Variants in RPA1 observed in about 807,000 individuals in gnomAD.
RPA1 encodes the protein replication protein A 70 kDa DNA-binding subunit.
RPA1 carries 49 observed loss-of-function variants against 83.0 expected under a neutral mutation model. The ratio of observed to expected loss-of-function variants is 0.59; its 90% CI spans 0.47 to 0.75. The LOEUF (loss-of-function observed/expected upper bound fraction) is 0.75. Ranked by LOEUF, RPA1 falls within the 30% of genes least tolerant of loss-of-function variation. RPA1 has a pLI of 0.00. For missense variants in RPA1, 693 were observed against 776.1 expected, an observed-to-expected ratio of 0.89 and a Z score of 1.27; for synonymous variants, 279 against 281.8, an observed-to-expected ratio of 0.99 and a Z score of 0.10.
chr17:1,879,227 T>C lies in RPA1; in HGVS notation c.772T>C (p.Ser258Pro). The C allele has an allele frequency of 6.2e-7, 1 of 1,613,908 alleles. No homozygotes were observed. The highest frequency in any genetic ancestry group is 8.5e-7 in the Non-Finnish European group (1 of 1,179,890). Reference protein sequence around the residue: ...LIEVNKVYYFSKGTLKIANKQ... With the variant: ...LIEVNKVYYFPKGTLKIANKQ... ...GCCTCCTTCGCAGGTGTATTATTTC[T>C]CGAAAGGCACCCTGAAGATTGCTAA... The change falls in exon 10 of 17, where the codon TCG becomes CCG. Residue 258 changes from serine (S) to proline (P), a missense_variant. Transcript: ENST00000254719.
Position 1,874,421 on chromosome 17 carries a change from G to T in RPA1, c.455-1240G>T, listed in dbSNP as rs191288945. Among the ~76,000 whole-genome samples the T allele has an allele frequency of 8.3e-3, 1,265 of 152,316 alleles. 12 individuals are homozygous for T. Among genetic ancestry groups the T allele is most frequent in the Non-Finnish European group, 0.014 (976 of 68,016 alleles). On this transcript the variant is annotated intron_variant, in intron 6 of 16. Transcript: ENST00000254719. ...CTCAAGAAGCTGAAGTGGGAGGATC[G>T]TTTGAGCTCAGGAGTTTGAGGCTGC...
intron 6 of RPA1, among the ~76,000 whole-genome samples, chr17:1,873,142 G>A (rs1913440741): frequency 6.6e-6 from 1 of 152,112 alleles, no homozygotes; most frequent in African/African-American, 2.4e-5. Context: ...TAACTATCCA[G>A]GACCCACTTA....
intron 5 of RPA1, among the ~76,000 whole-genome samples, chr17:1,870,934 T>C (rs1913355120): frequency 1.3e-5 from 2 of 152,212 alleles, no homozygotes; most frequent in African/African-American, 4.8e-5. Flanking sequence ...TTCTCTTGAA[T>C]AATATAATTC....
chr17:1,865,204 A>G (rs1913132753), intron 5 of RPA1, among the ~76,000 whole-genome samples: 1 of 152,232 alleles, frequency 6.6e-6, no homozygotes, highest in South Asian at 2.1e-4. Context: ...TAACTTCCCC[A>G]AGGTCACACA....
rs142893295 is a variant in RPA1, at chr17:1,886,879, C to T, written c.1375-1796C>T. Among the ~76,000 whole-genome samples the T allele has an allele frequency of 3.3e-5, 5 of 152,060 alleles. No homozygotes were observed. In the East Asian group the frequency reaches 9.7e-4, roughly 29 times the overall value. ...TCTCACTATGTTGCCTGGCTGGTAT[C>T]GAACTCCTTGGCTTAGGCAATCATG... On this transcript the variant is annotated intron_variant, in intron 13 of 16. Coordinates refer to ENST00000254719, the MANE Select transcript of RPA1 (RefSeq NM_002945.5).
At chr17:1,850,042 C>T (rs1276654797) in intron 4 of RPA1, among the ~76,000 whole-genome samples, 1 of 151,526 alleles carries the variant, frequency 6.6e-6, no homozygotes, top group Non-Finnish European at 1.5e-5. Flanking sequence ...CGTGGTGGCA[C>T]ATGCCTATAG....
rs182224359 is a variant in RPA1, at chr17:1,872,468, A to G, written c.396A>G (p.Pro132=). The change falls in exon 6 of 17, where the codon CCA becomes CCG. Residue 132 remains proline (P), a synonymous_variant. Coordinates refer to ENST00000254719, the MANE Select transcript of RPA1 (RefSeq NM_002945.5). ...AGCCGCAAGTAGCTCCTCCAGCGCCAGCAGCCAGCCCAGCAGCAAGCAGCA... is the reference window on the plus strand; with the variant it reads ...AGCCGCAAGTAGCTCCTCCAGCGCCGGCAGCCAGCCCAGCAGCAAGCAGCA... ...LGQPQVAPPA[P]AASPAASSRP... is the part of the protein sequence containing the mutation. 177 of 1,613,946 alleles carry G rather than the reference A, an allele frequency of 1.1e-4. No homozygotes were observed. The highest frequency in any genetic ancestry group is 1.4e-4 in the Non-Finnish European group (171 of 1,179,956).
rs539124502 is a variant in RPA1 at position 1,896,989 on chromosome 17, A to G, written c.1747-82A>G. 108 of 1,188,224 alleles carry G rather than the reference A, an allele frequency of 9.1e-5. No homozygotes were observed. The African/African-American group carries it at 1.3e-3, about 14-fold the overall frequency. 73.6% of individuals were successfully genotyped at this position (1,188,224 alleles called of 1,614,324 possible). On this transcript the variant is annotated intron_variant, in intron 16 of 16. Transcript: ENST00000254719. The stretch of plus-strand genomic sequence containing the variant: ...GCGTCTGTTCCCTCCCGCTGGGCTC[A>G]CTGAAACCACTGAAGCAAAAGGGGT...
chr17:1,844,670 A>T lies in RPA1; in HGVS notation c.256A>T (p.Thr86Ser). 1.2e-6 allele frequency: 2 copies of T among 1,611,690 alleles called. No individual in the cohort carries two copies. The highest frequency in any genetic ancestry group is 8.5e-7 in the Non-Finnish European group (1 of 1,178,096). ...CCAGATTCACAGATTTATTGTGAAC[A>T]CTCTGAAAGACGGAAGGTATGTGCT... ...VCQIHRFIVN[T>S]LKDGRRVVIL... is the part of the protein sequence containing the mutation. The change falls in exon 4 of 17, where the codon ACT becomes TCT. Residue 86 changes from threonine to serine, a missense_variant. Thr to Ser is a moderately conservative substitution (Grantham distance 58). Coordinates refer to ENST00000254719, the MANE Select transcript of RPA1 (RefSeq NM_002945.5).
rs1038804616 is a variant in RPA1 at position 1,852,977 on chromosome 17, A to G, written c.273-124A>G. ...CGGCGAAAGATGAAGAGAAATATTT[A>G]TGTAAACAGATGACAAATGGAAAAT... is the stretch of plus-strand genomic sequence containing the variant. On this transcript the variant is annotated intron_variant, in intron 4 of 16. Transcript: ENST00000254719. 14 of 729,358 alleles carry G rather than the reference A, an allele frequency of 1.9e-5. No homozygotes were observed. The African/African-American group carries it at 2.5e-4, about 13-fold the overall frequency. The allele number at this position is 729,358 out of a possible 1,614,324, so 45.2% of individuals were successfully genotyped here. A position where few individuals can be genotyped will look rare whatever the true frequency, so the allele number is the denominator to read the frequency against.
chr17:1,851,209 C>T (rs1417639130), intron 4 of RPA1, among the ~76,000 whole-genome samples: 3 of 152,086 alleles, frequency 2.0e-5, no homozygotes, highest in Non-Finnish European at 4.4e-5. Flanking sequence ...CATTTCACAC[C>T]TAAAAAAATA....
At chr17:1,844,081 G>T in intron 3 of RPA1, 83 bp downstream of exon 3, 2 of 1,250,162 alleles carry the variant, frequency 1.6e-6, no homozygotes, top group South Asian at 1.3e-5. Flanking sequence ...CATAATTTGG[G>T]GGCATTCGTG....
At chr17:1,890,417 C>CT (rs1412859057) in intron 14 of RPA1, among the ~76,000 whole-genome samples, 4 of 151,842 alleles carry the variant, frequency 2.6e-5, no homozygotes, top group African/African-American at 9.7e-5. Flanking sequence ...AATCCCAGCA[C>CT]TTTGGGAGGC....
intron 1 of RPA1, among the ~76,000 whole-genome samples, chr17:1,834,969 C>G (rs1421468145): frequency 6.6e-6 from 1 of 152,072 alleles, no homozygotes; most frequent in African/African-American, 2.4e-5. Context: ...TCAAGTGATT[C>G]TTTTGCCTCT....
chr17:1,854,085 A>G (rs1488787125), intron 5 of RPA1: 1 of 152,230 alleles, frequency 6.6e-6, no homozygotes, highest in Admixed American at 6.5e-5. Context: ...ATGAAAATGT[A>G]TAGAAAAGCA....
chr17:1,843,033 T>G (rs755729241), intron 2 of RPA1, among the ~76,000 whole-genome samples, 180 bp downstream of exon 2: 1 of 152,108 alleles, frequency 6.6e-6, no homozygotes, highest in Non-Finnish European at 1.5e-5. Flanking sequence ...AAAATGTTAC[T>G]ACGTGAGCTG....
At chr17:1,841,506 G>A (rs2151269919) in intron 1 of RPA1, among the ~76,000 whole-genome samples, 1 of 152,242 alleles carries the variant, frequency 6.6e-6, no homozygotes, top group Admixed American at 6.5e-5. Flanking sequence ...GTTTCACCAT[G>A]TTGGCCAGGC....
At chr17:1,831,938 A>G (rs368320688) in intron 1 of RPA1, among the ~76,000 whole-genome samples, 1,141 of 49,930 alleles carry the variant, frequency 0.023, 26 homozygotes, top group African/African-American at 0.086. Flanking sequence ...GCAGAGTCTC[A>G]CTCTTTCTCC....
intron 15 of RPA1, 129 bp downstream of exon 15, chr17:1,892,069 C>T (rs1280230360): frequency 1.6e-5 from 8 of 499,836 alleles, no homozygotes; most frequent in Admixed American, 3.4e-5. Context: ...TGCAGTGGCG[C>T]GATCTCAGCT....
Sources: allele counts gnomAD v4.1 joint callset (sites outside exome capture counted in the v4.1 genomes callset), GRCh38; gene constraint gnomAD v4.1.1; transcripts MANE v1.5; gene names NCBI Gene and HGNC (gene_info 2026-07-23, HGNC 2026-07-21).